LMO1: variants seen among roughly 807,000 people sequenced by gnomAD.
LMO1 encodes rhombotin-1.
A neutral mutation model predicts 18.0 loss-of-function variants in LMO1; 10 were observed. The ratio of observed to expected loss-of-function variants is 0.55; its 90% CI spans 0.34 to 0.94. LMO1 has a LOEUF of 0.94. Ranked by LOEUF, LMO1 falls within the 40% of genes least tolerant of loss-of-function variation. The probability of loss-of-function intolerance (pLI) is 0.02; values close to 1 mark genes in which losing one functional copy is unlikely to be tolerated. For missense variants in LMO1, 183 were observed against 205.7 expected (o/e 0.89, Z 0.68); for synonymous variants, 77 against 77.9 (o/e 0.99, Z 0.06).
chr11:8,247,122 G>A (rs1159816880), intron 1 of LMO1, among the ~76,000 whole-genome samples: 1 of 152,210 alleles, frequency 6.6e-6, no homozygotes, highest in Non-Finnish European at 1.5e-5. Flanking sequence ...ATCCTTCAAG[G>A]ACTATGCCCT....
intron 1 of LMO1, among the ~76,000 whole-genome samples, chr11:8,262,688 A>T (rs993580972): frequency 1.3e-5 from 2 of 152,158 alleles, no homozygotes; most frequent in African/African-American, 4.8e-5. Flanking sequence ...CTCTGGGCCA[A>T]ACTCCCGCCT....
chr11:8,234,663 G>A (rs1032227283), intron 1 of LMO1, among the ~76,000 whole-genome samples: 1 of 152,010 alleles, frequency 6.6e-6, no homozygotes, highest in Non-Finnish European at 1.5e-5. Flanking sequence ...AGCCACTGTG[G>A]CCACCTCCTG....
chr11:8,236,860 T>C (rs1487426257), intron 1 of LMO1, among the ~76,000 whole-genome samples: 1 of 152,196 alleles, frequency 6.6e-6, no homozygotes, highest in Non-Finnish European at 1.5e-5. Context: ...CGCATGTGTG[T>C]GTATGAGCAT....
At chr11:8,245,176 CT>C (rs750890312) in intron 1 of LMO1, among the ~76,000 whole-genome samples, 14 of 152,126 alleles carry the variant, frequency 9.2e-5, no homozygotes, top group Admixed American at 9.2e-4. Flanking sequence ...TCAAAATGGA[CT>C]TTTGTAGCAT....
At chr11:8,231,793 T>C (rs1172174404) in intron 1 of LMO1, among the ~76,000 whole-genome samples, 1 of 151,844 alleles carries the variant, frequency 6.6e-6, no homozygotes, top group Non-Finnish European at 1.5e-5. Context: ...GTCCCTCCCA[T>C]TCCCAGCCCT....
In LMO1 at chr11:8,224,537, TAG is replaced by T. The variant is rs1952498114; in HGVS notation, c.*77_*78del. The T allele has an allele frequency of 1.2e-6, 1 of 821,436 alleles. No individual in the cohort carries two copies. Among genetic ancestry groups the T allele is most frequent in the African/African-American group, 1.7e-5 (1 of 58,988 alleles). The allele number at this position is 821,436 out of a possible 1,614,324, so 50.9% of individuals were successfully genotyped here. On this transcript the variant is annotated 3_prime_UTR_variant, in exon 4 of 4. Transcript: ENST00000335790. ...AGAGCGGCTGGCCAGCCTGCACTGG[TAG>T]AGTGGCTGGCTGGCCGGCCAGGCAG...
At position 8,230,283 on chromosome 11, in the gene LMO1, C is replaced by G. The variant is rs765467055; in HGVS notation, c.239+8G>C. 3.1e-6 allele frequency: 5 copies of G among 1,612,538 alleles called. No homozygotes were observed. The highest frequency in any genetic ancestry group is 3.4e-4 in the Middle Eastern group (2 of 5,854). On this transcript the variant is annotated splice_region_variant and intron_variant, in intron 2 of 3. Coordinates refer to ENST00000335790, the MANE Select transcript of LMO1 (RefSeq NM_002315.3). ...AAGGGCTTGGGAGGCCAGGGTTTGG[C>G]AGCCCACCTCAGGTAGTCGCGTCGG... is the stretch of plus-strand genomic sequence containing the variant.
chr11:8,255,875 G>A (rs1024030786), intron 1 of LMO1, among the ~76,000 whole-genome samples: 4 of 134,820 alleles, frequency 3.0e-5, no homozygotes, highest in Admixed American at 8.8e-5. Context: ...GCCCAGGCTG[G>A]AGTGCAGTGG....
intron 1 of LMO1, among the ~76,000 whole-genome samples, chr11:8,257,382 C>T (rs1239783104): frequency 6.6e-6 from 1 of 152,186 alleles, no homozygotes; most frequent in Non-Finnish European, 1.5e-5. Flanking sequence ...TCCAAAGGCC[C>T]AGGACAGGTG....
chr11:8,241,523 C>T (rs1846792749), intron 1 of LMO1, among the ~76,000 whole-genome samples: 1 of 152,234 alleles, frequency 6.6e-6, no homozygotes, highest in African/African-American at 2.4e-5. Context: ...CCCTCCCACA[C>T]TGTGCTCCAG....
chr11:8,245,189 C>T (rs1336071167), intron 1 of LMO1, among the ~76,000 whole-genome samples: 1 of 152,132 alleles, frequency 6.6e-6, no homozygotes, highest in Non-Finnish European at 1.5e-5. Flanking sequence ...TTGTAGCATC[C>T]TTTGCCCTCC....
At chr11:8,255,512 G>T (rs890441477) in intron 1 of LMO1, among the ~76,000 whole-genome samples, 1 of 152,108 alleles carries the variant, frequency 6.6e-6, no homozygotes, top group Non-Finnish European at 1.5e-5. Flanking sequence ...AAAAAGAGAA[G>T]GCTTTTGTGC....
chr11:8,244,043 A>G (rs1309578614), intron 1 of LMO1, among the ~76,000 whole-genome samples: 2 of 152,210 alleles, frequency 1.3e-5, no homozygotes, highest in Non-Finnish European at 2.9e-5. Context: ...ACTTTAAGCC[A>G]TACTCCTGAC....
chr11:8,233,484 G>A (rs1952707108), intron 1 of LMO1, among the ~76,000 whole-genome samples: 1 of 152,186 alleles, frequency 6.6e-6, no homozygotes, highest in Non-Finnish European at 1.5e-5. Flanking sequence ...AGCTCTGGGG[G>A]TCAAACAAAC....
intron 2 of LMO1, 119 bp downstream of exon 2, chr11:8,230,172 G>A (rs1394205680): frequency 3.4e-6 from 3 of 876,580 alleles, no homozygotes; most frequent in Admixed American, 2.0e-5. Flanking sequence ...GGACAGTCAA[G>A]AATGAGAGGA....
chr11:8,247,486 G>T (rs1846914730), intron 1 of LMO1, among the ~76,000 whole-genome samples: 1 of 152,260 alleles, frequency 6.6e-6, no homozygotes, highest in African/African-American at 2.4e-5. Flanking sequence ...ATCCTGGCCA[G>T]CAGGGGGAGC....
chr11:8,235,457 T>A (rs1488504820), intron 1 of LMO1, among the ~76,000 whole-genome samples: 2 of 152,230 alleles, frequency 1.3e-5, no homozygotes, highest in Non-Finnish European at 2.9e-5. Flanking sequence ...TTCTCTTACA[T>A]AACCACAGTA....
At chr11:8,268,357 G>A, upstream of LMO1, 2 of 1,370,454 alleles carry the variant, frequency 1.5e-6, no homozygotes, top group Non-Finnish European at 9.7e-7. Context: ...ACTCCGCAGG[G>A]CCAGCGCCGC....
chr11:8,256,334 A>G (rs1847097318), intron 1 of LMO1, among the ~76,000 whole-genome samples: 1 of 152,202 alleles, frequency 6.6e-6, no homozygotes, highest in Non-Finnish European at 1.5e-5. Context: ...GGGATGAGAA[A>G]ACTGAGGCCC....
Sources: allele counts gnomAD v4.1 joint callset (sites outside exome capture counted in the v4.1 genomes callset), GRCh38; gene constraint gnomAD v4.1.1; transcripts MANE v1.5; gene names NCBI Gene and HGNC (gene_info 2026-07-23, HGNC 2026-07-21).